Variants in PMFBP1 observed in about 807,000 individuals in gnomAD.
The protein encoded by PMFBP1 is polyamine modulated factor 1 binding protein 1, also known as polyamine-modulated factor 1-binding protein 1.
A neutral mutation model predicts 137.8 loss-of-function variants in PMFBP1; 131 were observed. That is an observed-to-expected ratio of 0.95 (90% CI 0.82 to 1.10). The LOEUF is 1.10. Ranked by LOEUF, PMFBP1 falls within the 50% of genes least tolerant of loss-of-function variation. PMFBP1 has a pLI of 0.00. For synonymous variants in PMFBP1, 490 were observed against 450.4 expected (o/e 1.09, Z -1.11); for missense variants, 1,199 against 1,175.4 (o/e 1.02, Z -0.29).
At chr16:72,243,896 T>C in the PMFBP1 span, among the ~76,000 whole-genome samples, 1 of 152,194 alleles carries the variant, frequency 6.6e-6, no homozygotes, top group Admixed American at 6.5e-5. Context: ...GGGACTGACC[T>C]GCACGAGAGT....
At chr16:72,193,503 T>C in the PMFBP1 span, among the ~76,000 whole-genome samples, 1 of 152,170 alleles carries the variant, frequency 6.6e-6, no homozygotes, top group Non-Finnish European at 1.5e-5. Context: ...TGCTTATCTG[T>C]ATTTTTTGTC....
chr16:72,217,158 A>G, the PMFBP1 span, among the ~76,000 whole-genome samples: 1 of 152,182 alleles, frequency 6.6e-6, no homozygotes, highest in Non-Finnish European at 1.5e-5. Context: ...CTGGCCAATG[A>G]AGCATAAGAA....
the PMFBP1 span, among the ~76,000 whole-genome samples, chr16:72,228,662 C>G: frequency 3.3e-5 from 5 of 152,156 alleles, no homozygotes; most frequent in African/African-American, 1.2e-4. Context: ...GTTAAATCTA[C>G]AAACTTATGA....
chr16:72,222,640 A>G, the PMFBP1 span, among the ~76,000 whole-genome samples: 37 of 152,146 alleles, frequency 2.4e-4, no homozygotes, highest in Admixed American at 9.2e-4. Context: ...CCCAGATGTT[A>G]GACTGCCGAC....
At chr16:72,157,183 CAAAAAAAAAAAAAAAAA>C (rs35414674) in intron 3 of PMFBP1, among the ~76,000 whole-genome samples, 1 of 18,922 alleles carries the variant, frequency 5.3e-5, no homozygotes, top group Non-Finnish European at 9.4e-5. Flanking sequence ...GACTCCATCT[CAAAAAAAAAAAAAAAAA>C]AAAAAAAAAA....
At chr16:72,164,715 G>A (rs1354072181) in intron 3 of PMFBP1, 49 bp downstream of exon 3, 5 of 1,545,118 alleles carry the variant, frequency 3.2e-6, no homozygotes, top group Non-Finnish European at 4.4e-6. Context: ...AGGGAGCAGA[G>A]GCAGAAGTCA....
At chr16:72,239,794 G>A in the PMFBP1 span, among the ~76,000 whole-genome samples, 1 of 147,520 alleles carries the variant, frequency 6.8e-6, no homozygotes, top group African/African-American at 2.5e-5. Context: ...CGGGAGGCAC[G>A]AGAATCGCTT....
chr16:72,140,283 A>G, intron 6 of PMFBP1, 129 bp downstream of exon 6: 1 of 921,568 alleles, frequency 1.1e-6, no homozygotes, highest in South Asian at 1.6e-5. Context: ...GTTGGGGGGC[A>G]AGTATATATC....
At chr16:72,133,577 C>T (rs560776237) in intron 9 of PMFBP1, among the ~76,000 whole-genome samples, 1 of 152,244 alleles carries the variant, frequency 6.6e-6, no homozygotes, top group African/African-American at 2.4e-5. Context: ...CAGCTATAAC[C>T]TCCTAGGCTC....
At chr16:72,234,225 TTTG>T in the PMFBP1 span, among the ~76,000 whole-genome samples, 26 of 152,296 alleles carry the variant, frequency 1.7e-4, no homozygotes, top group African/African-American at 6.0e-4. Context: ...TTAACCAGCA[TTTG>T]TTGTCATAGC....
the PMFBP1 span, among the ~76,000 whole-genome samples, chr16:72,228,019 T>C: frequency 1.3e-5 from 2 of 152,212 alleles, no homozygotes; most frequent in African/African-American, 4.8e-5. Context: ...AATATGTATC[T>C]GTTATGCTTA....
At chr16:72,219,438 A>G in the PMFBP1 span, among the ~76,000 whole-genome samples, 12 of 152,176 alleles carry the variant, frequency 7.9e-5, no homozygotes, top group African/African-American at 2.9e-4. Context: ...GCGCGTGGAC[A>G]GGTATATCCA....
chr16:72,181,253 A>G (rs55829226), upstream of PMFBP1, among the ~76,000 whole-genome samples: 14,004 of 150,922 alleles, frequency 0.093, 2,142 homozygotes, highest in African/African-American at 0.32. Context: ...AAAAAAAATA[A>G]TAATAATAAT....
chr16:72,182,198 A>G, the PMFBP1 span, among the ~76,000 whole-genome samples: 1 of 152,154 alleles, frequency 6.6e-6, no homozygotes, highest in Non-Finnish European at 1.5e-5. Flanking sequence ...AGAGAGGTGC[A>G]CCTCAGGCAC....
rs2042640366 is a variant in PMFBP1, at chr16:72,136,829, G to A, written c.919-10C>T. The A allele has an allele frequency of 2.5e-6, 4 of 1,613,898 alleles. No homozygotes were observed. The Admixed American group carries it at 5.0e-5, about 20-fold the overall frequency. ...GCAAGTGCTTCAGTATCTGGCAGAT[G>A]GAAGAACAGGGCAGGATGAGGAGAT... On this transcript the variant is annotated splice_polypyrimidine_tract_variant and intron_variant, in intron 7 of 20. Transcript: ENST00000237353.
chr16:72,123,640 G>C lies in PMFBP1; in HGVS notation c.2599C>G (p.Leu867Val), dbSNP rs756682011. Residue 867 changes from leucine (L) to valine (V), a missense_variant, in exon 18 of 21, where the codon CTG (leucine) becomes GTG (valine). Coordinates refer to ENST00000237353, the MANE Select transcript of PMFBP1 (RefSeq NM_031293.3). ...LLEDDKEPCC[L>V]PQWSVPKDTC... ...TCTTTGGGCACAGACCACTGGGGCA[G>C]GCAGCAGGGCTTGGGTACAAGAAGA... 7 of 1,613,792 alleles carry C rather than the reference G, an allele frequency of 4.3e-6. No homozygotes were observed. The Admixed American group carries it at 1.2e-4, about 27-fold the overall frequency.
upstream of PMFBP1, among the ~76,000 whole-genome samples, chr16:72,181,041 C>T (rs1054990920): frequency 2.0e-5 from 3 of 152,036 alleles, no homozygotes; most frequent in Non-Finnish European, 4.4e-5. Context: ...GAGATCGAGA[C>T]CATCCTGGCC....
At chr16:72,212,320 A>T in the PMFBP1 span, among the ~76,000 whole-genome samples, 1 of 152,166 alleles carries the variant, frequency 6.6e-6, no homozygotes, top group African/African-American at 2.4e-5. Flanking sequence ...AATTATAGCA[A>T]GATGTAATAG....
intron 9 of PMFBP1, among the ~76,000 whole-genome samples, chr16:72,133,467 C>T (rs1187501551): frequency 4.6e-5 from 7 of 152,140 alleles, no homozygotes; most frequent in Non-Finnish European, 8.8e-5. Context: ...GTCTGAGCCA[C>T]CGTACCCAGC....
Sources: allele counts gnomAD v4.1 joint callset (sites outside exome capture counted in the v4.1 genomes callset), GRCh38; gene constraint gnomAD v4.1.1; transcripts MANE v1.5; gene names NCBI Gene and HGNC (gene_info 2026-07-23, HGNC 2026-07-21).